NELL1: variants seen among roughly 807,000 people sequenced by gnomAD.
NELL1 encodes the protein neural EGFL like 1.
A neutral mutation model predicts 107.4 loss-of-function variants in NELL1; 76 were observed. The observed-to-expected ratio is 0.71, with a 90% CI of 0.59 to 0.86. The LOEUF is 0.86. Among genes scored for constraint, NELL1 ranks in the 40% least tolerant of loss-of-function variants. The pLI is 0.00. For synonymous variants in NELL1, 353 were observed against 341.2 expected (o/e 1.03, Z -0.38); for missense variants, 1,024 against 1,005.5 (o/e 1.02, Z -0.25).
chr11:21,479,554 A>G (rs948665034), intron 15 of NELL1, among the ~76,000 whole-genome samples: 1 of 152,106 alleles, frequency 6.6e-6, no homozygotes, highest in African/African-American at 2.4e-5. Flanking sequence ...GGTAGTGGGT[A>G]GGAGGGAAGT....
chr11:20,743,687 C>G (rs937830147), intron 2 of NELL1, among the ~76,000 whole-genome samples: 1 of 152,084 alleles, frequency 6.6e-6, no homozygotes, highest in Admixed American at 6.6e-5. Context: ...GCTTCTGTAT[C>G]TTCAAATATT....
At chr11:21,337,844 T>TCTTGCTTG (rs1850468047) in intron 14 of NELL1, among the ~76,000 whole-genome samples, 1 of 142,090 alleles carries the variant, frequency 7.0e-6, no homozygotes, top group Non-Finnish European at 1.5e-5. Flanking sequence ...TTCTTTTCTT[T>TCTTGCTTG]CTTTCTTTCT....
At chr11:20,840,677 A>G (rs1025634625) in intron 3 of NELL1, among the ~76,000 whole-genome samples, 2 of 152,212 alleles carry the variant, frequency 1.3e-5, no homozygotes, top group Admixed American at 6.5e-5. Context: ...GGTAAACAAG[A>G]CAGAAACTGC....
At chr11:21,270,945 A>G (rs1848727039) in intron 14 of NELL1, among the ~76,000 whole-genome samples, 2 of 152,142 alleles carry the variant, frequency 1.3e-5, no homozygotes, top group African/African-American at 4.8e-5. Context: ...CAGAAATCTC[A>G]AAAGAAATTA....
intron 13 of NELL1, among the ~76,000 whole-genome samples, chr11:21,185,583 C>T (rs890055846): frequency 2.0e-5 from 3 of 151,850 alleles, no homozygotes; most frequent in Non-Finnish European, 4.4e-5. Context: ...GCGTGAGCCA[C>T]TGCACCTGGC....
intron 2 of NELL1, among the ~76,000 whole-genome samples, chr11:20,765,642 G>C (rs561633917): frequency 1.5e-3 from 229 of 152,250 alleles, no homozygotes; most frequent in African/African-American, 5.1e-3. Flanking sequence ...CCTAAGGCAG[G>C]AAGGAGCTTG....
intron 12 of NELL1, among the ~76,000 whole-genome samples, chr11:21,110,520 G>A (rs956824008): frequency 3.9e-5 from 6 of 152,144 alleles, no homozygotes; most frequent in Non-Finnish European, 7.4e-5. Flanking sequence ...AGATGAGGCA[G>A]AGGCCTCTCA....
chr11:21,156,688 G>A (rs1210514235), intron 13 of NELL1, among the ~76,000 whole-genome samples: 2 of 151,908 alleles, frequency 1.3e-5, no homozygotes, highest in African/African-American at 2.4e-5. Flanking sequence ...TATTTTTGTC[G>A]AGGTCAAAAC....
intron 2 of NELL1, among the ~76,000 whole-genome samples, chr11:20,766,599 G>T (rs1590274253): frequency 6.6e-6 from 1 of 152,170 alleles, no homozygotes; most frequent in African/African-American, 2.4e-5. Context: ...ACTTCCTGGG[G>T]TCCTGCTTTG....
intron 14 of NELL1, among the ~76,000 whole-genome samples, chr11:21,370,130 C>T (rs990049594): frequency 2.0e-5 from 3 of 151,916 alleles, no homozygotes; most frequent in African/African-American, 4.8e-5. Context: ...TATGTACTAA[C>T]GGGAACTAAC....
intron 13 of NELL1, among the ~76,000 whole-genome samples, chr11:21,137,687 A>C (rs564567089): frequency 6.6e-6 from 1 of 152,234 alleles, no homozygotes. Flanking sequence ...GGAAAGCAGA[A>C]TAAAGATGCT....
chr11:21,484,031 A>ATATG (rs1854564431), intron 15 of NELL1, among the ~76,000 whole-genome samples: 3 of 126,758 alleles, frequency 2.4e-5, no homozygotes, highest in African/African-American at 5.8e-5. Flanking sequence ...ATATATATAT[A>ATATG]TGTCAAATGT....
chr11:20,749,775 T>C (rs1247155132), intron 2 of NELL1, among the ~76,000 whole-genome samples: 1 of 152,106 alleles, frequency 6.6e-6, no homozygotes, highest in East Asian at 1.9e-4. Flanking sequence ...CCCCCCACTA[T>C]TTAGCTTTGC....
chr11:21,118,426 G>GT (rs1485276881), intron 13 of NELL1, among the ~76,000 whole-genome samples: 1 of 151,988 alleles, frequency 6.6e-6, no homozygotes. Flanking sequence ...AAATAAGCTT[G>GT]TTAGACCAAA....
chr11:20,678,789 C>T (rs1028196233), intron 2 of NELL1, among the ~76,000 whole-genome samples: 7 of 152,076 alleles, frequency 4.6e-5, no homozygotes, highest in African/African-American at 1.2e-4. Flanking sequence ...AATCCATTCA[C>T]AAGGGCAAAG....
At chr11:21,460,557 G>A (rs1853874953) in intron 15 of NELL1, among the ~76,000 whole-genome samples, 1 of 152,108 alleles carries the variant, frequency 6.6e-6, no homozygotes, top group Non-Finnish European at 1.5e-5. Context: ...GTATAATAAA[G>A]CAGCTTGGTG....
At chr11:21,181,793 A>G (rs1856832214) in intron 13 of NELL1, among the ~76,000 whole-genome samples, 1 of 151,912 alleles carries the variant, frequency 6.6e-6, no homozygotes, top group African/African-American at 2.4e-5. Flanking sequence ...TTTAATTAAT[A>G]GAAAATACAA....
intron 13 of NELL1, among the ~76,000 whole-genome samples, chr11:21,144,767 T>C (rs1405329266): frequency 3.3e-5 from 5 of 152,056 alleles, no homozygotes; most frequent in African/African-American, 1.2e-4. Context: ...TGAACAGTAG[T>C]TTGAGTGGCA....
At chr11:21,218,371 A>T (rs1857669645) in intron 13 of NELL1, among the ~76,000 whole-genome samples, 1 of 152,192 alleles carries the variant, frequency 6.6e-6, no homozygotes, top group Non-Finnish European at 1.5e-5. Context: ...GACATGTAGT[A>T]AGTGTACATA....
Sources: gnomAD v4.1 joint callset for allele counts (sites outside exome capture counted in the v4.1 genomes callset) on GRCh38, gnomAD v4.1.1 for gene constraint, MANE v1.5 for transcripts, NCBI Gene and HGNC (gene_info 2026-07-23, HGNC 2026-07-21) for gene names.